The following WASF3 variants were observed in gnomAD, a reference collection of about 807,000 sequenced individuals.
WASF3 encodes the protein WASP family member 3.
Under a neutral mutation model 46.6 loss-of-function variants are expected in WASF3, and 11 were observed. That is an observed-to-expected ratio of 0.24 (90% CI 0.15 to 0.39). The LOEUF is 0.39. WASF3 is among the 10% of genes least tolerant of loss of function. The pLI, the probability that WASF3 is intolerant of heterozygous loss-of-function variation, is 1.00. For synonymous variants in WASF3, 242 were observed against 259.7 expected, an observed-to-expected ratio of 0.93 and a Z score of 0.65; for missense variants, 576 against 669.8, an observed-to-expected ratio of 0.86 and a Z score of 1.55.
Position 26,570,157 on chromosome 13 carries a change from A to G in WASF3, c.-109+12338A>G, listed in dbSNP as rs147420527. On this transcript the variant is annotated intron_variant, in intron 1 of 9. Transcript: ENST00000335327. The stretch of plus-strand genomic sequence containing the variant: ...AAAAAAATTAGCCGGGTGTCGTGGC[A>G]GGCGCCTGTAATTCCAGCTACGTGG... Among the ~76,000 whole-genome samples the G allele has an allele frequency of 6.6e-3, 1,000 of 152,180 alleles. 15 individuals carry two copies. The highest frequency in any genetic ancestry group is 0.023 in the African/African-American group (956 of 41,528).
intron 1 of WASF3, among the ~76,000 whole-genome samples, chr13:26,606,237 G>GTGGA (rs1880792030): frequency 6.6e-6 from 1 of 152,100 alleles, no homozygotes; most frequent in African/African-American, 2.4e-5. Context: ...AGACAGACAG[G>GTGGA]TGGATACACA....
At chr13:26,652,930 C>T (rs747666327) in intron 3 of WASF3, among the ~76,000 whole-genome samples, 2 of 152,134 alleles carry the variant, frequency 1.3e-5, no homozygotes, top group Non-Finnish European at 2.9e-5. Context: ...TGGTGTTGCT[C>T]AGCATTCCCG....
intron 4 of WASF3, among the ~76,000 whole-genome samples, chr13:26,666,760 G>A (rs1593179321): frequency 6.6e-6 from 1 of 151,582 alleles, no homozygotes; most frequent in Non-Finnish European, 1.5e-5. Flanking sequence ...TTAGCCGGTC[G>A]TGGTGGCGGG....
chr13:26,559,808 C>CTTTTTTTTTTTTTTTTTT (rs770616922), intron 1 of WASF3, among the ~76,000 whole-genome samples: 1 of 73,434 alleles, frequency 1.4e-5, no homozygotes, highest in Admixed American at 2.0e-4. Context: ...TTCTTTCTTT[C>CTTTTTTTTTTTTTTTTTT]TTTTTTTTTT....
intron 1 of WASF3, among the ~76,000 whole-genome samples, chr13:26,590,370 G>C (rs1265833750): frequency 6.6e-6 from 1 of 152,068 alleles, no homozygotes; most frequent in Non-Finnish European, 1.5e-5. Context: ...TAATAGTTTT[G>C]AATTTTGACC....
rs1471712601 is a variant in WASF3, at chr13:26,676,731, G to T, written c.716+7G>T. 6.2e-7 allele frequency: 1 copy of T among 1,610,446 alleles called. No individual in the cohort carries two copies. The highest frequency in any genetic ancestry group is 8.5e-7 in the Non-Finnish European group (1 of 1,178,196). ...CCCTGTCCCCAGATACTAGGTGTGT[G>T]TGTGTCACTGCTCCCTCAGCCCTGA... On this transcript the variant is annotated splice_region_variant and intron_variant, in intron 7 of 9. Coordinates refer to ENST00000335327, the MANE Select transcript of WASF3 (RefSeq NM_006646.6).
chr13:26,677,441 C>T (rs1015511154), intron 7 of WASF3, among the ~76,000 whole-genome samples: 3 of 152,176 alleles, frequency 2.0e-5, no homozygotes, highest in African/African-American at 4.8e-5. Context: ...AAACTCTCAT[C>T]GGCATTTAAA....
At chr13:26,683,661 G>A (rs976300667) in intron 9 of WASF3, among the ~76,000 whole-genome samples, 2 of 152,004 alleles carry the variant, frequency 1.3e-5, no homozygotes, top group Non-Finnish European at 2.9e-5. Context: ...GTTTGTGCTG[G>A]ACTTGTCATA....
chr13:26,558,575 C>T (rs1034419591), intron 1 of WASF3, among the ~76,000 whole-genome samples: 1 of 152,110 alleles, frequency 6.6e-6, no homozygotes, highest in African/African-American at 2.4e-5. Context: ...GTGGTGCTGA[C>T]GTGCAATGGC....
chr13:26,580,133 CT>C (rs1164293277), intron 1 of WASF3, among the ~76,000 whole-genome samples: 3 of 152,128 alleles, frequency 2.0e-5, no homozygotes, highest in South Asian at 2.1e-4. Context: ...TTGGACACCC[CT>C]GCCTTAGATA....
chr13:26,627,769 TAG>T (rs1881513386), intron 2 of WASF3, among the ~76,000 whole-genome samples: 1 of 151,740 alleles, frequency 6.6e-6, no homozygotes, highest in Non-Finnish European at 1.5e-5. Context: ...ATATTTAAAA[TAG>T]ATATACCTAA....
At chr13:26,683,933 A>C (rs1883322751) in intron 9 of WASF3, among the ~76,000 whole-genome samples, 1 of 152,190 alleles carries the variant, frequency 6.6e-6, no homozygotes, top group African/African-American at 2.4e-5. Flanking sequence ...TGTTATGGGA[A>C]TATCCAAGAG....
chr13:26,587,629 C>A (rs903578354), intron 1 of WASF3, among the ~76,000 whole-genome samples: 4 of 152,240 alleles, frequency 2.6e-5, no homozygotes, highest in South Asian at 4.2e-4. Flanking sequence ...TGTATATCTT[C>A]TTTGCTTTTT....
intron 1 of WASF3, among the ~76,000 whole-genome samples, chr13:26,582,175 G>A (rs774347053): frequency 2.0e-5 from 3 of 152,100 alleles, no homozygotes; most frequent in Non-Finnish European, 4.4e-5. Flanking sequence ...AATTACATAC[G>A]GATGGTTCCT....
intron 1 of WASF3, among the ~76,000 whole-genome samples, chr13:26,565,971 T>A (rs1213183889): frequency 6.6e-6 from 1 of 152,220 alleles, no homozygotes; most frequent in Non-Finnish European, 1.5e-5. Flanking sequence ...AGAACATCAT[T>A]TGAAATAATT....
intron 6 of WASF3, among the ~76,000 whole-genome samples, chr13:26,673,356 A>G: frequency 6.7e-6 from 1 of 149,482 alleles, no homozygotes; most frequent in East Asian, 1.9e-4. Flanking sequence ...TAAAATTCTG[A>G]TAAGAATTTC....
At chr13:26,656,408 G>T (rs1445806201) in intron 3 of WASF3, among the ~76,000 whole-genome samples, 1 of 151,942 alleles carries the variant, frequency 6.6e-6, no homozygotes, top group Non-Finnish European at 1.5e-5. Flanking sequence ...CCAGAATTTA[G>T]AAACTATTTA....
chr13:26,668,520 C>G (rs1929188), intron 5 of WASF3, among the ~76,000 whole-genome samples: 37,076 of 152,212 alleles, frequency 0.24, 4,832 homozygotes, highest in African/African-American at 0.31. Flanking sequence ...CAGGAGCCTG[C>G]GAGTTCTCCA....
At chr13:26,570,380 A>G (rs556820604) in intron 1 of WASF3, among the ~76,000 whole-genome samples, 1 of 152,316 alleles carries the variant, frequency 6.6e-6, no homozygotes, top group South Asian at 2.1e-4. Context: ...AAACTACAAA[A>G]ACCGTAGTTT....
Sources: gnomAD v4.1 joint callset for allele counts (sites outside exome capture counted in the v4.1 genomes callset) on GRCh38, gnomAD v4.1.1 for gene constraint, MANE v1.5 for transcripts, NCBI Gene and HGNC (gene_info 2026-07-23, HGNC 2026-07-21) for gene names.